XIRP2: variants seen among roughly 807,000 people sequenced by gnomAD.
XIRP2 encodes xin actin binding repeat containing 2.
A neutral mutation model predicts 277.0 loss-of-function variants in XIRP2; 236 were observed. The observed-to-expected ratio is 0.85, with a 90% CI of 0.77 to 0.95. The LOEUF is 0.95. Among genes scored for constraint, XIRP2 ranks in the 40% least tolerant of loss-of-function variants. XIRP2 has a pLI of 0.00. For synonymous variants in XIRP2, 1,490 were observed against 1,416.5 expected (o/e 1.05, Z -1.17); for missense variants, 4,640 against 4,157.5 (o/e 1.12, Z -3.19).
intron 5 of XIRP2, among the ~76,000 whole-genome samples, chr2:167,227,590 C>A (rs1694642758): frequency 6.6e-6 from 1 of 151,812 alleles, no homozygotes; most frequent in Non-Finnish European, 1.5e-5. Context: ...GCTTGTAGTC[C>A]CAGCTACTCA....
At chr2:167,156,658 G>A (rs538580159) in intron 3 of XIRP2, among the ~76,000 whole-genome samples, 77 of 152,280 alleles carry the variant, frequency 5.1e-4, no homozygotes, top group African/African-American at 1.8e-3. Flanking sequence ...AAGTGATTGG[G>A]TATGGATTAT....
Position 167,061,378 on chromosome 2 carries a change from G to T in XIRP2, c.409-74531G>T, listed in dbSNP as rs375953658. Among the ~76,000 whole-genome samples the T allele has an allele frequency of 1.7e-4, 26 of 152,058 alleles. No homozygotes were observed. The South Asian group carries it at 5.4e-3, about 32-fold the overall frequency. The stretch of plus-strand genomic sequence containing the variant: ...CTTATTGCTTTCATTTAGATCTCCA[G>T]TATAATATTGAATAAAAGTGGTGGG... On this transcript the variant is annotated intron_variant, in intron 2 of 10. Transcript: ENST00000409195.
At chr2:167,193,808 G>A (rs1043718989) in intron 3 of XIRP2, among the ~76,000 whole-genome samples, 18 of 149,434 alleles carry the variant, frequency 1.2e-4, no homozygotes, top group African/African-American at 4.4e-4. Context: ...AACTGGGGAG[G>A]TGGAGGTTGC....
chr2:167,097,536 G>T (rs67208906), intron 2 of XIRP2, among the ~76,000 whole-genome samples: 39,728 of 151,934 alleles, frequency 0.26, 7,703 homozygotes, highest in African/African-American at 0.55. Flanking sequence ...TTTAACTGGG[G>T]CATTTAACCC....
At chr2:166,910,334 G>T (rs963467031) in intron 2 of XIRP2, among the ~76,000 whole-genome samples, 31 of 152,132 alleles carry the variant, frequency 2.0e-4, no homozygotes, top group African/African-American at 7.2e-4. Flanking sequence ...TCCTGGTTTA[G>T]TCTTGGGAGG....
chr2:166,924,484 T>A (rs900187876), intron 2 of XIRP2, among the ~76,000 whole-genome samples: 2 of 152,070 alleles, frequency 1.3e-5, no homozygotes, highest in African/African-American at 4.8e-5. Flanking sequence ...CTGCTAATTT[T>A]TTTTGAATTT....
chr2:167,251,379 T>A lies in XIRP2; in HGVS notation c.9987T>A (p.Pro3329=), dbSNP rs748389834. Residue 3329 remains proline, a synonymous_variant, in exon 9 of 11, where the codon CCT becomes CCA. Transcript: ENST00000409195. ...VQMAENFVND[P]ENEINRWFRE... ...TGGCTGAAAATTTCGTGAATGACCCTGAAAATGAAATAAACAGATGGTTCA... is the reference window on the plus strand; with the variant it reads ...TGGCTGAAAATTTCGTGAATGACCCAGAAAATGAAATAAACAGATGGTTCA... 1.2e-6 allele frequency: 2 copies of A among 1,613,546 alleles called. No individual in the cohort carries two copies. Among genetic ancestry groups the A allele is most frequent in the Non-Finnish European group, 1.7e-6 (2 of 1,179,648 alleles).
rs186847516 is a variant in XIRP2, at chr2:166,937,436, G to A, written c.408+33546G>A. Among the ~76,000 whole-genome samples, 234 of 152,250 alleles carry A rather than the reference G, an allele frequency of 1.5e-3. 2 individuals are homozygous for A. Among genetic ancestry groups the A allele is most frequent in the African/African-American group, 5.3e-3 (221 of 41,560 alleles). On this transcript the variant is annotated intron_variant, in intron 2 of 10. Coordinates refer to ENST00000409195, the MANE Select transcript of XIRP2 (RefSeq NM_152381.6). ...ACCTTGCACCAGCCTTGCATCCCAG[G>A]GATGAAGCCGACTTGGTCATGGTGG... is the stretch of plus-strand genomic sequence containing the variant.
intron 2 of XIRP2, among the ~76,000 whole-genome samples, chr2:166,967,567 G>C (rs945445356): frequency 6.6e-6 from 1 of 151,880 alleles, no homozygotes; most frequent in African/African-American, 2.4e-5. Context: ...CTGATGTAAA[G>C]AAATGTATGG....
At chr2:167,052,232 G>T (rs1414665025) in intron 2 of XIRP2, among the ~76,000 whole-genome samples, 2 of 151,898 alleles carry the variant, frequency 1.3e-5, no homozygotes. Flanking sequence ...CTAAGAAAAT[G>T]CAAGCCCAAT....
At chr2:167,071,665 T>A (rs941045643) in intron 2 of XIRP2, among the ~76,000 whole-genome samples, 1 of 152,186 alleles carries the variant, frequency 6.6e-6, no homozygotes, top group Non-Finnish European at 1.5e-5. Flanking sequence ...AAAATTTTAA[T>A]AGCTATTAAA....
At chr2:167,022,824 T>C (rs889739704) in intron 2 of XIRP2, among the ~76,000 whole-genome samples, 1 of 152,234 alleles carries the variant, frequency 6.6e-6, no homozygotes, top group Non-Finnish European at 1.5e-5. Context: ...ATGGTGTATA[T>C]GTGCCACATT....
At chr2:166,889,298 A>G (rs918859381) in intron 1 of XIRP2, among the ~76,000 whole-genome samples, 2 of 152,170 alleles carry the variant, frequency 1.3e-5, no homozygotes, top group Admixed American at 1.3e-4. Context: ...CAGAGATGAC[A>G]GCTGTCCCTC....
chr2:167,166,552 T>C (rs1415057742), intron 3 of XIRP2, among the ~76,000 whole-genome samples: 1 of 152,094 alleles, frequency 6.6e-6, no homozygotes, highest in Non-Finnish European at 1.5e-5. Context: ...TAAAGAAAAG[T>C]GGTTATTTGG....
intron 4 of XIRP2, among the ~76,000 whole-genome samples, chr2:167,211,643 T>C (rs550726992): frequency 1.3e-5 from 2 of 152,220 alleles, no homozygotes; most frequent in Non-Finnish European, 1.5e-5. Flanking sequence ...CTTGGTCTCA[T>C]ATATGGTTCA....
chr2:167,063,128 A>T (rs1689213559), intron 2 of XIRP2, among the ~76,000 whole-genome samples: 1 of 151,834 alleles, frequency 6.6e-6, no homozygotes, highest in Admixed American at 6.6e-5. Context: ...TTAAACTATT[A>T]TTTTTATTTT....
At chr2:167,058,706 G>A (rs961392594) in intron 2 of XIRP2, among the ~76,000 whole-genome samples, 1 of 152,172 alleles carries the variant, frequency 6.6e-6, no homozygotes, top group African/African-American at 2.4e-5. Flanking sequence ...GTCCCAGTAT[G>A]AAAACACGTA....
chr2:167,190,112 G>A (rs140575267), intron 3 of XIRP2, among the ~76,000 whole-genome samples: 1 of 152,204 alleles, frequency 6.6e-6, no homozygotes, highest in East Asian at 1.9e-4. Flanking sequence ...GAAGCACACA[G>A]CTTCCTTGCT....
intron 2 of XIRP2, among the ~76,000 whole-genome samples, chr2:166,924,440 C>T (rs1042081700): frequency 2.6e-5 from 4 of 152,012 alleles, no homozygotes; most frequent in Non-Finnish European, 4.4e-5. Context: ...TTTGCATAAA[C>T]TGATAACAAG....
Sources: gnomAD v4.1 joint callset for allele counts (sites outside exome capture counted in the v4.1 genomes callset) on GRCh38, gnomAD v4.1.1 for gene constraint, MANE v1.5 for transcripts, NCBI Gene and HGNC (gene_info 2026-07-23, HGNC 2026-07-21) for gene names.